Variants in RFTN1 observed in about 807,000 individuals in gnomAD.
RFTN1 encodes the protein raftlin, lipid raft linker 1, also known as raftlin.
In RFTN1, 26 loss-of-function variants were observed where a neutral mutation model predicts 46.5. The observed-to-expected ratio is 0.56, with a 90% CI of 0.41 to 0.78. RFTN1 has a LOEUF of 0.78. Ranked by LOEUF, RFTN1 falls within the 30% of genes least tolerant of loss-of-function variation. The probability of loss-of-function intolerance (pLI) is 0.00; values close to 1 mark genes in which losing one functional copy is unlikely to be tolerated. For missense variants in RFTN1, 693 were observed against 718.7 expected, an observed-to-expected ratio of 0.96 and a Z score of 0.41; for synonymous variants, 261 against 284.2, an observed-to-expected ratio of 0.92 and a Z score of 0.82.
At position 16,342,659 on chromosome 3, in the gene RFTN1, C is replaced by T. The variant is rs2071392925; in HGVS notation, c.1146+15273G>A. 6.6e-6 allele frequency among the ~76,000 whole-genome samples: 1 copy of T among 152,204 alleles called. No individual in the cohort carries two copies. Among genetic ancestry groups the T allele is most frequent in the Non-Finnish European group, 1.5e-5 (1 of 68,040 alleles). On this transcript the variant is annotated intron_variant, in intron 7 of 9. Transcript: ENST00000334133. The surrounding 1 kb of genome is among the most constrained non-coding windows in gnomAD (Gnocchi z 4.0). ...AAGAATGAAAGCAGAGGCCTCTTGG[C>T]CTCACTAGACTAGTTCTCAAGCCTT...
chr3:16,324,646 T>TTGTGTGTGTGTGTGTGTGTGTGTGTG (rs71632869), intron 8 of RFTN1, among the ~76,000 whole-genome samples: 3 of 100,432 alleles, frequency 3.0e-5, no homozygotes, highest in Non-Finnish European at 5.7e-5. Flanking sequence ...TAGTATTCCA[T>TTGTGTGTGTGTGTGTGTGTGTGTGTG]TGTGTGTGTG....
Position 16,382,410 on chromosome 3 carries a change from C to G in RFTN1, c.442-4308G>C, listed in dbSNP as rs1470223019. Among the ~76,000 whole-genome samples, 1 of 152,136 alleles carries G rather than the reference C, an allele frequency of 6.6e-6. No homozygotes were observed. Among genetic ancestry groups the G allele is most frequent in the African/African-American group, 2.4e-5 (1 of 41,404 alleles). On this transcript the variant is annotated intron_variant, in intron 4 of 9. Transcript: ENST00000334133. The surrounding 1 kb of genome is among the most constrained non-coding windows in gnomAD (Gnocchi z 4.7). ...GCTAAAGTAAATCCTGCTTCTCATT[C>G]TTGCATTTATAACCTTTACTGAGCC... is the stretch of plus-strand genomic sequence containing the variant.
intron 1 of RFTN1, among the ~76,000 whole-genome samples, chr3:16,502,371 G>A (rs1310098698): frequency 6.8e-6 from 1 of 147,434 alleles, no homozygotes; most frequent in African/African-American, 2.5e-5. Flanking sequence ...GCAACGGAGT[G>A]AGACCTTGTC....
intron 8 of RFTN1, among the ~76,000 whole-genome samples, chr3:16,324,032 AT>A (rs2069391843): frequency 6.6e-6 from 1 of 152,162 alleles, no homozygotes; most frequent in African/African-American, 2.4e-5. Flanking sequence ...AATACAGTGA[AT>A]TCTCTCTTCC....
In RFTN1 at chr3:16,320,009, G is replaced by A. The variant is rs767627981; in HGVS notation, c.1333-2777C>T. Among the ~76,000 whole-genome samples the A allele has an allele frequency of 4.6e-5, 7 of 152,230 alleles. No individual in the cohort carries two copies. Among genetic ancestry groups the A allele is most frequent in the Non-Finnish European group, 1.0e-4 (7 of 68,036 alleles). The stretch of plus-strand genomic sequence containing the variant: ...GCCAGAGCATCTGTGGCAGTTGGGT[G>A]TGTCACCAAATCCAATTAGCCGCCC... On this transcript the variant is annotated intron_variant, in intron 9 of 9. Coordinates refer to ENST00000334133, the MANE Select transcript of RFTN1 (RefSeq NM_015150.2). The surrounding 1 kb of genome is among the most constrained non-coding windows in gnomAD (Gnocchi z 4.5).
At chr3:16,331,514 T>C (rs2070309268) in intron 7 of RFTN1, among the ~76,000 whole-genome samples, 1 of 152,246 alleles carries the variant, frequency 6.6e-6, no homozygotes, top group East Asian at 1.9e-4. Context: ...CCCTCTGTTT[T>C]TCCTGGAGTT....
chr3:16,477,371 T>A (rs528363532), intron 2 of RFTN1, among the ~76,000 whole-genome samples: 2 of 152,298 alleles, frequency 1.3e-5, no homozygotes, highest in African/African-American at 4.8e-5. Context: ...AGAGAGCAGA[T>A]AAAGTGAAAA....
intron 4 of RFTN1, among the ~76,000 whole-genome samples, chr3:16,389,521 C>T (rs1384719478): frequency 6.6e-6 from 1 of 151,994 alleles, no homozygotes; most frequent in Non-Finnish European, 1.5e-5. Context: ...AACAGCTTTG[C>T]ATTAACAACT....
chr3:16,496,003 C>T (rs1312294436), intron 1 of RFTN1, among the ~76,000 whole-genome samples: 1 of 152,212 alleles, frequency 6.6e-6, no homozygotes, highest in East Asian at 1.9e-4. Context: ...ACAAAAAGCT[C>T]TAACTACAAA....
Position 16,420,263 on chromosome 3 carries a change from G to T in RFTN1, c.333-10780C>A, listed in dbSNP as rs536544521. ...CAGCCACACAGAATGGGAGCTGGGG[G>T]AGGGTCCTGCTTTCTCTGGAATGCT... On this transcript the variant is annotated intron_variant, in intron 3 of 9. Transcript: ENST00000334133. Among the ~76,000 whole-genome samples, 203 of 152,324 alleles carry T rather than the reference G, an allele frequency of 1.3e-3. 1 individual carries two copies. The Middle Eastern group carries it at 0.014, about 10-fold the overall frequency.
In RFTN1 at chr3:16,475,453, C is replaced by T. The variant is rs2076265219; in HGVS notation, c.145+18272G>A. ...ACTGAACTAGAAGTTGAGATTGCCC[C>T]TTGGCTATTTTAGACTACCAATGCC... is the stretch of plus-strand genomic sequence containing the variant. On this transcript the variant is annotated intron_variant, in intron 2 of 9. Coordinates refer to ENST00000334133, the MANE Select transcript of RFTN1 (RefSeq NM_015150.2). The surrounding 1 kb of genome is among the most constrained non-coding windows in gnomAD (Gnocchi z 4.2). Among the ~76,000 whole-genome samples, 1 of 152,172 alleles carries T rather than the reference C, an allele frequency of 6.6e-6. No homozygotes were observed. Among genetic ancestry groups the T allele is most frequent in the South Asian group, 2.1e-4 (1 of 4,824 alleles).
rs2071590090 is a variant in RFTN1, at chr3:16,345,441, G to T, written c.1146+12491C>A. 6.6e-6 allele frequency among the ~76,000 whole-genome samples: 1 copy of T among 152,186 alleles called. No homozygotes were observed. The highest frequency in any genetic ancestry group is 1.5e-5 in the Non-Finnish European group (1 of 68,038). On this transcript the variant is annotated intron_variant, in intron 7 of 9. Transcript: ENST00000334133. The surrounding 1 kb of genome is among the most constrained non-coding windows in gnomAD (Gnocchi z 5.2). ...CATTATTTTTGGGCATGTTGTGAGG[G>T]TGTTTCTGGAAAAGATTAGCATTTG...
At chr3:16,330,870 G>A (rs2070241647) in intron 7 of RFTN1, among the ~76,000 whole-genome samples, 1 of 152,208 alleles carries the variant, frequency 6.6e-6, no homozygotes, top group Non-Finnish European at 1.5e-5. Flanking sequence ...GATCTTCTAT[G>A]CAGAGAAATA....
rs2076758584 is a variant in RFTN1, at chr3:16,504,016, T to C, written c.-9+9426A>G. ...TATCTTTCTATCCCTGCGTGTACTC[T>C]TTTACAATCTATATATAACACCCAG... is the stretch of plus-strand genomic sequence containing the variant. On this transcript the variant is annotated intron_variant, in intron 1 of 9. Coordinates refer to ENST00000334133, the MANE Select transcript of RFTN1 (RefSeq NM_015150.2). The surrounding 1 kb of genome is among the most constrained non-coding windows in gnomAD (Gnocchi z 4.4). Among the ~76,000 whole-genome samples, 1 of 152,182 alleles carries C rather than the reference T, an allele frequency of 6.6e-6. No individual in the cohort carries two copies. The highest frequency in any genetic ancestry group is 6.5e-5 in the Admixed American group (1 of 15,284).
chr3:16,430,317 G>T (rs11719094), intron 3 of RFTN1, among the ~76,000 whole-genome samples: 32,683 of 152,042 alleles, frequency 0.21, 4,440 homozygotes, highest in African/African-American at 0.38. Context: ...TCTCTACTTT[G>T]CCCAGGCTGG....
intron 7 of RFTN1, among the ~76,000 whole-genome samples, chr3:16,357,706 T>G (rs1275393300): frequency 6.6e-6 from 1 of 152,186 alleles, no homozygotes. Flanking sequence ...GCCAGGCACA[T>G]GCAATGTGCT....
At position 16,500,577 on chromosome 3, in the gene RFTN1, G is replaced by A. The variant is rs2076694423; in HGVS notation, c.-8-6700C>T. On this transcript the variant is annotated intron_variant, in intron 1 of 9. Transcript: ENST00000334133. The surrounding 1 kb of genome is among the most constrained non-coding windows in gnomAD (Gnocchi z 5.9). ...GAGGAAAATAAAGTAATCAGAAGAA[G>A]GTTCCGAGACCCGAACTGCAAGAAG... Among the ~76,000 whole-genome samples the A allele has an allele frequency of 6.6e-6, 1 of 152,168 alleles. No individual in the cohort carries two copies. The highest frequency in any genetic ancestry group is 2.1e-4 in the South Asian group (1 of 4,832).
intron 6 of RFTN1, among the ~76,000 whole-genome samples, chr3:16,358,497 G>C (rs2072613848): frequency 1.3e-5 from 2 of 151,346 alleles, no homozygotes; most frequent in Non-Finnish European, 2.9e-5. Flanking sequence ...GAGCTTGTCA[G>C]ATGCGTTGAT....
chr3:16,381,200 T>C lies in RFTN1; in HGVS notation c.442-3098A>G. 6.6e-6 allele frequency among the ~76,000 whole-genome samples: 1 copy of C among 152,200 alleles called. No homozygotes were observed. Among genetic ancestry groups the C allele is most frequent in the East Asian group, 1.9e-4 (1 of 5,206 alleles). ...GTAATACACATACATAAACTATGCA[T>C]AAAAACAGTCACCAAAATGAAAACA... On this transcript the variant is annotated intron_variant, in intron 4 of 9. Coordinates refer to ENST00000334133, the MANE Select transcript of RFTN1 (RefSeq NM_015150.2). This position sits in a 1 kb window ranked among gnomAD's most constrained non-coding sequence, Gnocchi z 4.2.
Sources: allele counts gnomAD v4.1 joint callset (sites outside exome capture counted in the v4.1 genomes callset), GRCh38; gene constraint gnomAD v4.1.1; non-coding constraint Gnocchi (gnomAD v3.1); transcripts MANE v1.5; gene names NCBI Gene and HGNC (gene_info 2026-07-23, HGNC 2026-07-21).